The following MAGI2 variants were observed in gnomAD, a reference collection of about 807,000 sequenced individuals.
MAGI2 encodes the protein membrane associated guanylate kinase, WW and PDZ domain containing 2.
A neutral mutation model predicts 133.3 loss-of-function variants in MAGI2; 35 were observed. That is an observed-to-expected ratio of 0.26 (90% CI 0.20 to 0.35). The LOEUF is 0.35. MAGI2 is among the 10% of genes least tolerant of loss of function. The pLI, the probability that MAGI2 is intolerant of heterozygous loss-of-function variation, is 1.00. For missense variants in MAGI2, 1,636 were observed against 1,863.4 expected (o/e 0.88, Z 2.25); for synonymous variants, 729 against 710.6 (o/e 1.03, Z -0.41).
At chr7:78,968,196 A>G (rs1803494553) in intron 2 of MAGI2, among the ~76,000 whole-genome samples, 1 of 151,940 alleles carries the variant, frequency 6.6e-6, no homozygotes, top group African/African-American at 2.4e-5. Context: ...GATGCCTACA[A>G]ATTTGTTCTT....
chr7:79,027,565 T>G (rs1161682219), intron 1 of MAGI2, among the ~76,000 whole-genome samples: 2 of 151,992 alleles, frequency 1.3e-5, no homozygotes, highest in Non-Finnish European at 1.5e-5. Context: ...GGTCAAAGGG[T>G]ACAAAATCTC....
At chr7:79,099,130 G>A (rs771975659) in intron 1 of MAGI2, among the ~76,000 whole-genome samples, 1 of 151,926 alleles carries the variant, frequency 6.6e-6, no homozygotes, top group African/African-American at 2.4e-5. Flanking sequence ...TTTCCCTTTA[G>A]CGATTTCAGT....
chr7:79,406,355 T>C (rs968044513), intron 1 of MAGI2, among the ~76,000 whole-genome samples: 2 of 152,106 alleles, frequency 1.3e-5, no homozygotes, highest in African/African-American at 4.8e-5. Flanking sequence ...ATTTCAATCA[T>C]AAATGTAACT....
intron 2 of MAGI2, among the ~76,000 whole-genome samples, chr7:78,862,523 TG>T (rs1794234970): frequency 6.6e-6 from 1 of 152,222 alleles, no homozygotes; most frequent in Non-Finnish European, 1.5e-5. Context: ...TTACATTGGA[TG>T]ACCAATATTT....
chr7:78,193,626 A>T (rs1198581004), intron 12 of MAGI2, among the ~76,000 whole-genome samples: 1 of 152,172 alleles, frequency 6.6e-6, no homozygotes, highest in Non-Finnish European at 1.5e-5. Flanking sequence ...GTAGCTAAGA[A>T]TGCCTAATTT....
chr7:79,253,642 TA>T (rs202195869), intron 1 of MAGI2, among the ~76,000 whole-genome samples: 98 of 150,872 alleles, frequency 6.5e-4, no homozygotes, highest in Admixed American at 1.2e-3. Flanking sequence ...GACTTTGTCT[TA>T]AAAAAAAAGT....
intron 9 of MAGI2, among the ~76,000 whole-genome samples, chr7:78,292,559 T>G (rs1796827689): frequency 6.6e-6 from 1 of 152,200 alleles, no homozygotes; most frequent in Admixed American, 6.5e-5. Flanking sequence ...CCAATGACTT[T>G]CTTCACAGAA....
At chr7:78,644,177 A>T (rs568738240) in intron 2 of MAGI2, among the ~76,000 whole-genome samples, 9 of 152,298 alleles carry the variant, frequency 5.9e-5, no homozygotes, top group African/African-American at 2.2e-4. Flanking sequence ...AAATACATGA[A>T]GCAAATACAT....
chr7:78,903,233 G>T (rs1407553251), intron 2 of MAGI2, among the ~76,000 whole-genome samples: 2 of 111,052 alleles, frequency 1.8e-5, no homozygotes, highest in Non-Finnish European at 3.4e-5. Context: ...TCGCTCTTTC[G>T]CCCAGGCTGG....
In MAGI2 at chr7:78,256,267, C is replaced by A; in HGVS notation, c.1723G>T (p.Asp575Tyr). 6.2e-7 allele frequency: 1 copy of A among 1,614,058 alleles called. No individual in the cohort carries two copies. Among genetic ancestry groups the A allele is most frequent in the Non-Finnish European group, 8.5e-7 (1 of 1,179,984 alleles). ...GGATACGTGCCGTCTAGCTGACCAT[C>A]AGTTGGCATGGAGTGCAGAGAATGA... ...PPHSLHSMPTDGQLDGTYPPP... is the reference protein window; with the variant it reads ...PPHSLHSMPTYGQLDGTYPPP... Residue 575 changes from aspartate (D) to tyrosine (Y), a missense_variant, in exon 10 of 22, where the codon GAT becomes TAT. Around this residue, in one of 5 missense-constraint regions of MAGI2, gnomAD observed 920 missense variants for 1,093.5 expected, o/e 0.84. Transcript: ENST00000354212.
At chr7:78,499,575 T>G (rs1282807169) in intron 5 of MAGI2, among the ~76,000 whole-genome samples, 3 of 152,226 alleles carry the variant, frequency 2.0e-5, no homozygotes, top group Admixed American at 2.0e-4. Flanking sequence ...GTTCTGTCTT[T>G]TGAAGTTATT....
intron 2 of MAGI2, among the ~76,000 whole-genome samples, chr7:78,795,001 G>A (rs1472769011): frequency 1.3e-5 from 2 of 152,246 alleles, no homozygotes; most frequent in Non-Finnish European, 1.5e-5. Context: ...GAGATTACAG[G>A]CATGTGCCAC....
chr7:78,921,585 C>G (rs1415273910), intron 2 of MAGI2, among the ~76,000 whole-genome samples: 1 of 151,814 alleles, frequency 6.6e-6, no homozygotes, highest in East Asian at 1.9e-4. Flanking sequence ...GAAATCACAG[C>G]TAGTCAAACT....
At chr7:78,580,539 C>T (rs1802728280) in intron 3 of MAGI2, among the ~76,000 whole-genome samples, 1 of 152,134 alleles carries the variant, frequency 6.6e-6, no homozygotes, top group Non-Finnish European at 1.5e-5. Flanking sequence ...GGGGCACAGG[C>T]AGGTTTCAGA....
chr7:78,344,064 G>T (rs1790657653), intron 8 of MAGI2, 104 bp from the exon 9 acceptor site: 6 of 990,698 alleles, frequency 6.1e-6, no homozygotes, highest in Non-Finnish European at 9.0e-6. Flanking sequence ...AGGGGTAAAT[G>T]TGGGGGGTCT....
chr7:79,452,976 G>C (rs1849396600), intron 1 of MAGI2, 44 bp downstream of exon 1: 3 of 1,504,446 alleles, frequency 2.0e-6, no homozygotes, highest in East Asian at 2.3e-5. Flanking sequence ...CGCCCCGAGC[G>C]GTCCCACCGC....
intron 21 of MAGI2, among the ~76,000 whole-genome samples, chr7:78,060,611 T>C (rs2151134147): frequency 6.6e-6 from 1 of 152,300 alleles, no homozygotes; most frequent in African/African-American, 2.4e-5. Flanking sequence ...GACTGAGAGA[T>C]CCCTTCTGAT....
At position 78,127,233 on chromosome 7, in the gene MAGI2, G is replaced by T; in HGVS notation, c.3387C>A (p.Thr1129=). 2 of 1,604,280 alleles carry T rather than the reference G, an allele frequency of 1.2e-6. No individual in the cohort carries two copies. Among genetic ancestry groups the T allele is most frequent in the Non-Finnish European group, 1.7e-6 (2 of 1,175,432 alleles). ...LLDYRQHSPD[T]RQYPLSDYRQ... ...TGTAGTCCGACAGAGGGTACTGCCT[G>T]GTGTCGGGGGAGTGCTGCCTGTAGT... Residue 1129 remains threonine (T), a synonymous_variant, in exon 19 of 22, where the codon ACC becomes ACA. Transcript: ENST00000354212.
intron 20 of MAGI2, among the ~76,000 whole-genome samples, chr7:78,105,507 T>C (rs748217877): frequency 5.9e-5 from 9 of 152,206 alleles, no homozygotes; most frequent in Non-Finnish European, 1.0e-4. Flanking sequence ...TATATCTTTG[T>C]CATCATTTGA....
Sources: allele counts gnomAD v4.1 joint callset (sites outside exome capture counted in the v4.1 genomes callset), GRCh38; gene constraint gnomAD v4.1.1; regional missense constraint gnomAD v4.1.1; transcripts MANE v1.5; gene names NCBI Gene and HGNC (gene_info 2026-07-23, HGNC 2026-07-21).